Variants in CCDC112 observed in about 807,000 individuals in gnomAD.
The protein encoded by CCDC112 is coiled-coil domain containing 112.
Under a neutral mutation model 66.3 loss-of-function variants are expected in CCDC112, and 40 were observed. That is an observed-to-expected ratio of 0.60 (90% CI 0.47 to 0.79). The LOEUF (loss-of-function observed/expected upper bound fraction) is 0.79, where lower values mean the gene tolerates loss of function less well. CCDC112 is among the 30% of genes least tolerant of loss of function. The pLI is 0.00. For missense variants in CCDC112, 659 were observed against 603.8 expected, an observed-to-expected ratio of 1.09 and a Z score of -0.96; for synonymous variants, 214 against 197.2, an observed-to-expected ratio of 1.09 and a Z score of -0.71.
intron 1 of CCDC112, among the ~76,000 whole-genome samples, chr5:115,293,791 G>C (rs534550828): frequency 6.6e-6 from 1 of 152,268 alleles, no homozygotes; most frequent in South Asian, 2.1e-4. Context: ...AGTTATTATT[G>C]AAGGGTTATT....
In CCDC112 at chr5:115,295,890, T is replaced by C. The variant is rs937491886; in HGVS notation, c.117+537A>G. 57 of 985,382 alleles carry C rather than the reference T, an allele frequency of 5.8e-5. No homozygotes were observed. In the African/African-American group the frequency reaches 9.8e-4, roughly 17 times the overall value. The allele number at this position is 985,382 out of a possible 1,614,324, so 61.0% of individuals were successfully genotyped here. On this transcript the variant is annotated intron_variant, in intron 1 of 9. Coordinates refer to ENST00000379611, the MANE Select transcript of CCDC112 (RefSeq NM_001040440.3). ...ATCATGGAAAGTCTCGCTGAGCTGATAACATCTGAACAAAGATACCTTGTC... is the reference window on the plus strand; with the variant it reads ...ATCATGGAAAGTCTCGCTGAGCTGACAACATCTGAACAAAGATACCTTGTC...
chr5:115,291,979 T>G (rs1749951416), intron 1 of CCDC112, among the ~76,000 whole-genome samples: 1 of 152,228 alleles, frequency 6.6e-6, no homozygotes, highest in Non-Finnish European at 1.5e-5. Flanking sequence ...GATATGAATT[T>G]CTGTGAGTTT....
intron 1 of CCDC112, among the ~76,000 whole-genome samples, chr5:115,287,145 A>C (rs536911006): frequency 6.6e-6 from 1 of 152,274 alleles, no homozygotes; most frequent in South Asian, 2.1e-4. Flanking sequence ...CATTCCCACC[A>C]GCAATGTATA....
At chr5:115,273,770 C>T (rs1250450433) in intron 6 of CCDC112, among the ~76,000 whole-genome samples, 3 of 152,090 alleles carry the variant, frequency 2.0e-5, no homozygotes, top group African/African-American at 2.4e-5. Flanking sequence ...AGTTGGAGCC[C>T]GCTAAGTTCT....
chr5:115,295,203 T>C (rs1189656912), intron 1 of CCDC112, among the ~76,000 whole-genome samples: 1 of 152,122 alleles, frequency 6.6e-6, no homozygotes, highest in South Asian at 2.1e-4. Context: ...ATCCAACCCC[T>C]GAGAAGGCAA....
chr5:115,281,723 T>A (rs1749465428), intron 2 of CCDC112, among the ~76,000 whole-genome samples: 1 of 152,194 alleles, frequency 6.6e-6, no homozygotes, highest in African/African-American at 2.4e-5. Context: ...TATAAGGATA[T>A]TCAAAATATG....
At chr5:115,281,926 G>A (rs888005666) in intron 2 of CCDC112, among the ~76,000 whole-genome samples, 9 of 152,086 alleles carry the variant, frequency 5.9e-5, no homozygotes, top group African/African-American at 1.2e-4. Flanking sequence ...TGTTGTCTAC[G>A]GAGGGCAATT....
At chr5:115,277,156 G>A (rs1749241901) in intron 3 of CCDC112, 102 bp from the exon 4 acceptor site, 15 of 637,874 alleles carry the variant, frequency 2.4e-5, no homozygotes, top group Non-Finnish European at 3.9e-5. Flanking sequence ...AAAGCCAAGA[G>A]CAATTAAATA....
chr5:115,290,830 G>A (rs1749890388), intron 1 of CCDC112, among the ~76,000 whole-genome samples: 1 of 151,914 alleles, frequency 6.6e-6, no homozygotes, highest in Admixed American at 6.6e-5. Context: ...TATTGATCTT[G>A]TATTCTGCAA....
At position 115,268,927 on chromosome 5, in the gene CCDC112, T is replaced by G; in HGVS notation, c.1502A>C (p.Lys501Thr). The G allele has an allele frequency of 1.1e-5, 18 of 1,607,094 alleles. No individual in the cohort carries two copies. The highest frequency in any genetic ancestry group is 1.5e-5 in the Non-Finnish European group (18 of 1,176,912). ...TGGCCCAGAGCCTGTTGGTCCTATC[T>G]TTTTGGTTCGTTCTTCCCAACCTTT... ...PTKGWEERTK[K>T]IGPTGSGPLL... The change falls in exon 9 of 10, where the codon AAG becomes ACG. Residue 501 changes from lysine (K) to threonine (T), a missense_variant. By Grantham distance (78) the Lys-to-Thr change is moderately conservative. Transcript: ENST00000379611.
Position 115,275,374 on chromosome 5 carries a change from C to G in CCDC112, c.760G>C (p.Asp254His). The stretch of plus-strand genomic sequence containing the variant: ...CTCACCTTTACAAAGTTCTGGTGAT[C>G]ATAATCATCCCAGGCACCTTGTCGC... ...GGRQGAWDDY[D>H]HQNFVKVRNK... The change falls in exon 6 of 10, where the codon GAT becomes CAT. Residue 254 changes from aspartate to histidine, a missense_variant. By Grantham distance (81) the Asp-to-His change is moderately conservative. Coordinates refer to ENST00000379611, the MANE Select transcript of CCDC112 (RefSeq NM_001040440.3). 1 of 1,614,076 alleles carries G rather than the reference C, an allele frequency of 6.2e-7. No homozygotes were observed. The highest frequency in any genetic ancestry group is 1.1e-5 in the South Asian group (1 of 91,074).
At chr5:115,274,366 T>C (rs757267389) in intron 6 of CCDC112, among the ~76,000 whole-genome samples, 11 of 152,220 alleles carry the variant, frequency 7.2e-5, no homozygotes, top group African/African-American at 9.6e-5. Context: ...AGTAATATTT[T>C]TGTAAAAATG....
chr5:115,268,800 A>T, intron 9 of CCDC112, 82 bp downstream of exon 9: 1 of 562,242 alleles, frequency 1.8e-6, no homozygotes, highest in Non-Finnish European at 2.9e-6. Context: ...TGAAAAATAT[A>T]ATTTACATAT....
intron 7 of CCDC112, among the ~76,000 whole-genome samples, chr5:115,270,565 G>A (rs1481990321): frequency 6.6e-6 from 1 of 151,902 alleles, no homozygotes; most frequent in Non-Finnish European, 1.5e-5. Context: ...TTAACTCTAG[G>A]GTACAAGGAT....
chr5:115,276,592 G>C (rs887300314), intron 4 of CCDC112, among the ~76,000 whole-genome samples: 3 of 151,650 alleles, frequency 2.0e-5, no homozygotes, highest in Admixed American at 2.0e-4. Flanking sequence ...GAAAACACTG[G>C]GACAGGATTA....
intron 2 of CCDC112, among the ~76,000 whole-genome samples, chr5:115,282,112 A>T (rs1034834775): frequency 6.6e-6 from 1 of 152,238 alleles, no homozygotes; most frequent in African/African-American, 2.4e-5. Flanking sequence ...ATGTCCATAA[A>T]TATGGGCAGG....
intron 8 of CCDC112, 32 bp downstream of exon 8, chr5:115,269,671 A>C: frequency 7.0e-7 from 1 of 1,420,574 alleles, no homozygotes. Flanking sequence ...AATTAGGATA[A>C]TAACAATGAA....
intron 4 of CCDC112, 39 bp downstream of exon 4, chr5:115,276,920 AAATACT>A (rs1485690331): frequency 1.5e-6 from 2 of 1,297,774 alleles, no homozygotes; most frequent in Admixed American, 3.6e-5. Context: ...GCCAAACAGA[AAATACT>A]AACACATAAG....
At chr5:115,274,662 A>T (rs1256062334) in intron 6 of CCDC112, among the ~76,000 whole-genome samples, 1 of 152,166 alleles carries the variant, frequency 6.6e-6, no homozygotes, top group Non-Finnish European at 1.5e-5. Flanking sequence ...TTGTCCCATT[A>T]TGTTATTTGT....
Sources: gnomAD v4.1 joint callset for allele counts (sites outside exome capture counted in the v4.1 genomes callset) on GRCh38, gnomAD v4.1.1 for gene constraint, MANE v1.5 for transcripts, NCBI Gene and HGNC (gene_info 2026-07-23, HGNC 2026-07-21) for gene names.